The following PTCH1 variants were observed in gnomAD, a reference collection of about 807,000 sequenced individuals.
PTCH1 encodes the protein patched 1, also known as protein patched homolog 1.
PTCH1 carries 14 observed loss-of-function variants against 144.6 expected under a neutral mutation model. The observed-to-expected ratio is 0.10, with a 90% CI of 0.06 to 0.15. The LOEUF is 0.15. PTCH1 is among the 10% of genes least tolerant of loss of function. PTCH1 has a pLI of 1.00. For missense variants in PTCH1, 1,623 were observed against 1,948.3 expected, an observed-to-expected ratio of 0.83 and a Z score of 3.14; for synonymous variants, 833 against 793.6, an observed-to-expected ratio of 1.05 and a Z score of -0.83.
intron 8 of PTCH1, 125 bp from the exon 9 acceptor site, chr9:95,478,311 C>A (rs1168912706): frequency 7.1e-7 from 1 of 1,415,216 alleles, no homozygotes; most frequent in African/African-American, 1.4e-5. Flanking sequence ...TAAAAAAGTT[C>A]TACGTGATTC....
intron 1 of PTCH1, chr9:95,507,045 G>A (rs1022715094): frequency 1.0e-6 from 1 of 987,934 alleles, no homozygotes; most frequent in Non-Finnish European, 1.2e-6. Context: ...CGGGCGCTAG[G>A]GGCGAGCGCT....
chr9:95,508,039 G>T, intron 1 of PTCH1, 122 bp downstream of exon 1: 2 of 880,526 alleles, frequency 2.3e-6, no homozygotes, highest in South Asian at 1.8e-5. Context: ...AGAGGTGTGA[G>T]TGAGTGTGTG....
Position 95,477,465 on chromosome 9 carries a change from G to A in PTCH1, c.1503+82C>T, listed in dbSNP as rs988853966. 7.6e-6 allele frequency: 12 copies of A among 1,575,870 alleles called. No individual in the cohort carries two copies. In the African/African-American group the frequency reaches 9.5e-5, roughly 12 times the overall value. ...ACCCTTCCGGTGAGAAGGACACACA[G>A]CACACAGGAGGCTGGCTGGGCCAAG... is the stretch of plus-strand genomic sequence containing the variant. On this transcript the variant is annotated intron_variant, in intron 10 of 23. Transcript: ENST00000331920.
At chr9:95,512,563 T>A (rs1042063350), upstream of PTCH1, among the ~76,000 whole-genome samples, 5 of 152,202 alleles carry the variant, frequency 3.3e-5, no homozygotes, top group Non-Finnish European at 5.9e-5. Flanking sequence ...TGCTGATGCA[T>A]GCGAGTGCGA....
At chr9:95,507,852 C>T in intron 1 of PTCH1, 1 of 1,119,868 alleles carries the variant, frequency 8.9e-7, no homozygotes, top group Non-Finnish European at 1.2e-6. Flanking sequence ...GGTGGTCCGC[C>T]GTGGACGGCT....
At chr9:95,448,256 T>C (rs1383672755) in intron 22 of PTCH1, among the ~76,000 whole-genome samples, 2 of 152,156 alleles carry the variant, frequency 1.3e-5, no homozygotes, top group Admixed American at 6.5e-5. Flanking sequence ...AGGAGGACAA[T>C]TCAGGTTATT....
At position 95,456,342 on chromosome 9, in the gene PTCH1, G is replaced by T. The variant is rs200347952; in HGVS notation, c.3240C>A (p.Ala1080=). Residue 1080 remains alanine (A), a synonymous_variant, in exon 19 of 24, where the codon GCC becomes GCA. Coordinates refer to ENST00000331920, the MANE Select transcript of PTCH1 (RefSeq NM_000264.5). The part of the protein sequence containing the change: ...MMGLIGIKLS[A]VPVVILIASV... Reference sequence around the variant, plus strand: ...AAGCGATCAGGATGACCACGGGCACGGCACTGAGCTTGATTCCGATGAGGC... The same window carrying T: ...AAGCGATCAGGATGACCACGGGCACTGCACTGAGCTTGATTCCGATGAGGC... The T allele has an allele frequency of 3.7e-6, 6 of 1,614,118 alleles. No individual in the cohort carries two copies. The South Asian group carries it at 6.6e-5, about 18-fold the overall frequency.
intron 1 of PTCH1, chr9:95,507,549 G>A: frequency 1.6e-6 from 1 of 638,944 alleles, no homozygotes; most frequent in Non-Finnish European, 1.9e-6. Flanking sequence ...AAGGAGAGGC[G>A]GCTCAAAACC....
At position 95,443,857 on chromosome 9, in the gene PTCH1, A is replaced by G. The variant is rs556199133; in HGVS notation, c.*2536T>C. ...AAATTGGCAATGAGACCCAGTTTGA[A>G]TATTTATTTCCTTTAAACTCCTTAC... On this transcript the variant is annotated 3_prime_UTR_variant, in exon 24 of 24. Transcript: ENST00000331920. The G allele has an allele frequency of 1.3e-5, 2 of 152,764 alleles. No individual in the cohort carries two copies. The highest frequency in any genetic ancestry group is 4.8e-5 in the African/African-American group (2 of 41,576). The allele number at this position is 152,764 out of a possible 1,614,324, so 9.5% of individuals were successfully genotyped here.
At chr9:95,472,777 C>G (rs1175819242) in intron 12 of PTCH1, among the ~76,000 whole-genome samples, 1 of 152,200 alleles carries the variant, frequency 6.6e-6, no homozygotes, top group Non-Finnish European at 1.5e-5. Flanking sequence ...TTCTCATAAC[C>G]TACTACATGT....
At chr9:95,510,843 G>A (rs571992297), upstream of PTCH1, among the ~76,000 whole-genome samples, 1 of 151,386 alleles carries the variant, frequency 6.6e-6, no homozygotes, top group Admixed American at 6.6e-5. Flanking sequence ...CGCGCCAGGA[G>A]GCCCGGTGCG....
intron 22 of PTCH1, among the ~76,000 whole-genome samples, chr9:95,447,904 T>C (rs923091153): frequency 2.6e-5 from 4 of 152,250 alleles, no homozygotes; most frequent in Non-Finnish European, 4.4e-5. Flanking sequence ...GACATGTGGT[T>C]GCTTAAGTTT....
At position 95,447,332 on chromosome 9, in the gene PTCH1, T is replaced by G; in HGVS notation, c.3924A>C (p.Arg1308Ser). 1 of 1,611,652 alleles carries G rather than the reference T, an allele frequency of 6.2e-7. No individual in the cohort carries two copies. Among genetic ancestry groups the G allele is most frequent in the Non-Finnish European group, 8.5e-7 (1 of 1,178,458 alleles). The change falls in exon 23 of 24, where the codon AGA (arginine) becomes AGC (serine). Residue 1308 changes from arginine to serine, a missense_variant. Arg to Ser is a moderately radical substitution (Grantham distance 110). Transcript: ENST00000331920. Reference protein sequence around the residue: ...QGQQPRRDPPREGLWPPPYRP... With the variant: ...QGQQPRRDPPSEGLWPPPYRP... ...TGTAGGGGGGTGGCCACAAGCCTTC[T>G]CTGGGGGGGTCCCTGCGGGGCTGCT...
intron 2 of PTCH1, among the ~76,000 whole-genome samples, chr9:95,506,076 C>T (rs979811869): frequency 4.7e-5 from 7 of 147,946 alleles, no homozygotes; most frequent in African/African-American, 1.5e-4. Flanking sequence ...TCTCGGGGCG[C>T]GGCCCAGGCG....
Position 95,449,240 on chromosome 9 carries a change from G to C in PTCH1, c.3633C>G (p.Pro1211=), listed in dbSNP as rs56007343. 1.5e-4 allele frequency: 233 copies of C among 1,583,216 alleles called. 3 individuals carry two copies. In the African/African-American group the frequency reaches 2.7e-3, roughly 19 times the overall value. The stretch of plus-strand genomic sequence containing the variant: ...AATCAGACCCGCTGTGCGTGTGGCC[G>C]GGCGGCATGGCGAAGCGGACCACGC... ...PPSVVRFAMP[P]GHTHSGSDSS... is the part of the protein sequence containing the mutation. Residue 1211 remains proline (P), a synonymous_variant, in exon 22 of 24, where the codon CCC becomes CCG. Transcript: ENST00000331920. The surrounding 1 kb of genome is among the most constrained non-coding windows in gnomAD (Gnocchi z 5.3).
chr9:95,447,447 A>T lies in PTCH1; in HGVS notation c.3809T>A (p.Val1270Asp), dbSNP rs1342034180. Residue 1270 changes from valine (V) to aspartate (D), a missense_variant, in exon 23 of 24, where the codon GTC (valine) becomes GAC (aspartate). Val to Asp is a radical substitution (Grantham distance 152). Around this residue, in one of 7 missense-constraint regions of PTCH1, gnomAD observed 291 missense variants for 287.4 expected, o/e 1.01. Transcript: ENST00000331920. ...ENPVFAHSTV[V>D]HPESRHHPPS... ...TGGGTGATGCCTGGATTCGGGATGG[A>T]CCACCTGCAGAGGGTGAGGGTGGGT... 3 of 1,582,026 alleles carry T rather than the reference A, an allele frequency of 1.9e-6. No homozygotes were observed. Among genetic ancestry groups the T allele is most frequent in the Non-Finnish European group, 2.6e-6 (3 of 1,166,996 alleles).
At position 95,449,025 on chromosome 9, in the gene PTCH1, C is replaced by A; in HGVS notation, c.3804+44G>T. 6.2e-7 allele frequency: 1 copy of A among 1,611,676 alleles called. No individual in the cohort carries two copies. The highest frequency in any genetic ancestry group is 1.1e-5 in the South Asian group (1 of 90,994). On this transcript the variant is annotated intron_variant, in intron 22 of 23. Coordinates refer to ENST00000331920, the MANE Select transcript of PTCH1 (RefSeq NM_000264.5). This position sits in a 1 kb window ranked among gnomAD's most constrained non-coding sequence, Gnocchi z 5.3. ...CCCGCTGGACCTCCAGGCCCACTACCACGGTGGGAAGACCCCTCCCCCTGG... is the reference window on the plus strand; with the variant it reads ...CCCGCTGGACCTCCAGGCCCACTACAACGGTGGGAAGACCCCTCCCCCTGG...
chr9:95,510,015 A>C (rs974201300), upstream of PTCH1, among the ~76,000 whole-genome samples: 10 of 151,868 alleles, frequency 6.6e-5, no homozygotes, highest in African/African-American at 1.9e-4. Flanking sequence ...AAAAAAAAAA[A>C]ACACAGTCTT....
chr9:95,447,480 G>T, intron 22 of PTCH1, 29 bp from the exon 23 acceptor site: 1 of 1,524,062 alleles, frequency 6.6e-7, no homozygotes. Context: ...GGTTAGAAGG[G>T]TGGTATCCCA....
Sources: gnomAD v4.1 joint callset for allele counts (sites outside exome capture counted in the v4.1 genomes callset) on GRCh38, gnomAD v4.1.1 for gene constraint, gnomAD v4.1.1 regional missense constraint, Gnocchi (gnomAD v3.1) non-coding constraint, MANE v1.5 for transcripts, NCBI Gene and HGNC (gene_info 2026-07-23, HGNC 2026-07-21) for gene names.